ZNF506: variants seen among roughly 807,000 people sequenced by gnomAD.
The protein encoded by ZNF506 is zinc finger protein 506.
ZNF506 carries 10 observed loss-of-function variants against 11.6 expected under a neutral mutation model. That is an observed-to-expected ratio of 0.86 (90% CI 0.53 to 1.46). The LOEUF is 1.46. Among genes scored for constraint, ZNF506 ranks in the 40% most tolerant of loss-of-function variants. The probability of loss-of-function intolerance (pLI) is 0.00; values close to 1 mark genes in which losing one functional copy is unlikely to be tolerated. For missense variants in ZNF506, 425 were observed against 521.2 expected (o/e 0.82, Z 1.80); for synonymous variants, 156 against 173.3 (o/e 0.90, Z 0.78).
In ZNF506 at chr19:19,794,202, C is replaced by T. The variant is rs12975121; in HGVS notation, c.*350G>A. ...GTGGGCACCAGTAATCCCAGCTACT[C>T]GGGAGGCTGAGGCAGGAGAATGGCT... On this transcript the variant is annotated 3_prime_UTR_variant, in exon 4 of 4. Coordinates refer to ENST00000540806, the MANE Select transcript of ZNF506 (RefSeq NM_001099269.3). 0.2 allele frequency: 35,745 copies of T among 179,532 alleles called. 3,702 individuals are homozygous for T. The highest frequency in any genetic ancestry group is 0.28 in the East Asian group (1,734 of 6,184). The allele number at this position is 179,532 out of a possible 1,614,324, so 11.1% of individuals were successfully genotyped here.
chr19:19,821,520 A>C lies in ZNF506; in HGVS notation c.3+81T>G, dbSNP rs946538354. 3 of 1,594,024 alleles carry C rather than the reference A, an allele frequency of 1.9e-6. No individual in the cohort carries two copies. The East Asian group carries it at 6.7e-5, about 36-fold the overall frequency. On this transcript the variant is annotated intron_variant, in intron 1 of 3. Transcript: ENST00000540806. ...ACTGCCGGGAGGCCTGAGTTCTGCC[A>C]CTGCCACAGCCACAGCCACTTCCTC...
chr19:19,816,275 C>A, intron 1 of ZNF506, among the ~76,000 whole-genome samples: 1 of 151,942 alleles, frequency 6.6e-6, no homozygotes. Context: ...CCGCTGCCTC[C>A]CAGGTTCAAG....
rs528405061 is a variant in ZNF506 at position 19,819,711 on chromosome 19, C to T, written c.3+1890G>A. Among the ~76,000 whole-genome samples, 10 of 152,294 alleles carry T rather than the reference C, an allele frequency of 6.6e-5. No individual in the cohort carries two copies. In the East Asian group the frequency reaches 1.5e-3, roughly 23 times the overall value. ...AGAGGCACAGATATTTTTTACAATA[C>T]AGTGTCAGGGGATTATTCTTTGCTT... is the stretch of plus-strand genomic sequence containing the variant. On this transcript the variant is annotated intron_variant, in intron 1 of 3. Coordinates refer to ENST00000540806, the MANE Select transcript of ZNF506 (RefSeq NM_001099269.3).
intron 1 of ZNF506, among the ~76,000 whole-genome samples, chr19:19,808,121 T>TTTTTTTG: frequency 9.6e-6 from 1 of 104,274 alleles, no homozygotes; most frequent in African/African-American, 4.2e-5. Flanking sequence ...TTTTTTTTTT[T>TTTTTTTG]TTTTTTTTTT....
In ZNF506 at chr19:19,795,623, C is replaced by T. The variant is rs2062734460; in HGVS notation, c.264G>A (p.Glu88=). The T allele has an allele frequency of 2.0e-6, 3 of 1,531,936 alleles. No homozygotes were observed. Among genetic ancestry groups the T allele is most frequent in the South Asian group, 2.6e-5 (2 of 75,816 alleles). 94.9% of individuals were successfully genotyped at this position (1,531,936 alleles called of 1,614,324 possible). A position where few individuals can be genotyped will look rare whatever the true frequency, so the allele number is the denominator to read the frequency against. ...YSHFAQDLWS[E]QSIKDSFQKV... ...TTTGGAAAGAATCTTTTATGCTCTGCTCTGACCAAAGGTCTTGGGCAAAAT... is the reference window on the plus strand; with the variant it reads ...TTTGGAAAGAATCTTTTATGCTCTGTTCTGACCAAAGGTCTTGGGCAAAAT... Residue 88 remains glutamate, a synonymous_variant, in exon 4 of 4, where the codon GAG becomes GAA. Transcript: ENST00000540806.
chr19:19,801,172 A>AAAAAG (rs1296488653), intron 3 of ZNF506, among the ~76,000 whole-genome samples: 2 of 152,020 alleles, frequency 1.3e-5, no homozygotes, highest in African/African-American at 4.8e-5. Context: ...AAAAAAATAA[A>AAAAAG]AAAAGAAAAG....
At chr19:19,808,598 C>A (rs1296544183) in intron 1 of ZNF506, among the ~76,000 whole-genome samples, 1 of 143,166 alleles carries the variant, frequency 7.0e-6, no homozygotes, top group Non-Finnish European at 1.5e-5. Context: ...GTAATCCCAG[C>A]ACTTTGGGAG....
chr19:19,808,843 C>CAAAAA lies in ZNF506; in HGVS notation c.4-1780_4-1776dup, dbSNP rs35282430. Among the ~76,000 whole-genome samples, 575 of 82,448 alleles carry CAAAAA rather than the reference C, an allele frequency of 7.0e-3. 15 individuals are homozygous for CAAAAA. The highest frequency in any genetic ancestry group is 0.028 in the East Asian group (90 of 3,264). 54.1% of individuals were successfully genotyped at this position (82,448 alleles called of 152,430 possible). A position where few individuals can be genotyped will look rare whatever the true frequency, so the allele number is the denominator to read the frequency against. ...TTGGTGACACAGCGAGACTCTGTCT[C>CAAAAA]AAAAAAAAAAAAAAAAAAAAGAAAC... is the stretch of plus-strand genomic sequence containing the variant. On this transcript the variant is annotated intron_variant, in intron 1 of 3. Coordinates refer to ENST00000540806, the MANE Select transcript of ZNF506 (RefSeq NM_001099269.3).
chr19:19,821,197 C>T (rs1293529257), intron 1 of ZNF506, among the ~76,000 whole-genome samples: 1 of 152,166 alleles, frequency 6.6e-6, no homozygotes, highest in Non-Finnish European at 1.5e-5. Context: ...CCACGCCCGG[C>T]CCAATAAATT....
At chr19:19,801,069 A>G (rs2062788306) in intron 3 of ZNF506, among the ~76,000 whole-genome samples, 1 of 152,114 alleles carries the variant, frequency 6.6e-6, no homozygotes, top group Non-Finnish European at 1.5e-5. Context: ...GTGAGGCAGG[A>G]GAATCACTTG....
At chr19:19,797,436 GAAAAAAAAA>G (rs77600495) in intron 3 of ZNF506, 2 of 95,636 alleles carry the variant, frequency 2.1e-5, no homozygotes, top group Non-Finnish European at 4.8e-5. Context: ...TCCGTCTCAG[GAAAAAAAAA>G]AAAAAAAAAA....
At chr19:19,804,848 C>T (rs908220388) in intron 3 of ZNF506, among the ~76,000 whole-genome samples, 9 of 152,226 alleles carry the variant, frequency 5.9e-5, no homozygotes, top group African/African-American at 2.2e-4. Flanking sequence ...AAACCAAACA[C>T]CCCATGTTCT....
intron 3 of ZNF506, among the ~76,000 whole-genome samples, chr19:19,803,643 C>T (rs2062812457): frequency 6.6e-6 from 1 of 152,198 alleles, no homozygotes; most frequent in African/African-American, 2.4e-5. Flanking sequence ...TGTGACCAAG[C>T]TACAACCCCT....
chr19:19,819,662 G>A lies in ZNF506; in HGVS notation c.3+1939C>T, dbSNP rs187301469. Among the ~76,000 whole-genome samples the A allele has an allele frequency of 1.2e-4, 19 of 152,298 alleles. No individual in the cohort carries two copies. In the East Asian group the frequency reaches 3.3e-3, roughly 26 times the overall value. On this transcript the variant is annotated intron_variant, in intron 1 of 3. Coordinates refer to ENST00000540806, the MANE Select transcript of ZNF506 (RefSeq NM_001099269.3). ...ATCTTGACCCAAAAACATTCGGTAA[G>A]TTCTCTGGAAAAATAAAAGACAAAG...
chr19:19,796,782 T>C (rs2062746057), intron 3 of ZNF506: 6 of 152,148 alleles, frequency 3.9e-5, no homozygotes, highest in Admixed American at 3.9e-4. Context: ...ACTTTGAGTC[T>C]AAAGGTAAAT....
In ZNF506 at chr19:19,817,534, C is replaced by G. The variant is rs190472862; in HGVS notation, c.3+4067G>C. On this transcript the variant is annotated intron_variant, in intron 1 of 3. Transcript: ENST00000540806. The stretch of plus-strand genomic sequence containing the variant: ...TTTCCTTTCATCTTAACCTCAACTG[C>G]ATCTGCCTGTGGATCCCCAGCTTTC... 5.9e-5 allele frequency among the ~76,000 whole-genome samples: 9 copies of G among 152,098 alleles called. 1 individual carries two copies. The highest frequency in any genetic ancestry group is 5.2e-4 in the Admixed American group (8 of 15,264).
intron 3 of ZNF506, among the ~76,000 whole-genome samples, chr19:19,805,648 C>G (rs1248545362): frequency 6.6e-6 from 1 of 151,212 alleles, no homozygotes; most frequent in Non-Finnish European, 1.5e-5. Context: ...ACATTTAAGA[C>G]CTGATGCAAA....
chr19:19,799,645 A>G (rs1169247664), intron 3 of ZNF506, among the ~76,000 whole-genome samples: 1 of 152,226 alleles, frequency 6.6e-6, no homozygotes, highest in Non-Finnish European at 1.5e-5. Flanking sequence ...GCGGTGGCTC[A>G]TGCCTGTTAC....
chr19:19,801,723 G>A (rs2062794895), intron 3 of ZNF506, among the ~76,000 whole-genome samples: 3 of 151,816 alleles, frequency 2.0e-5, no homozygotes, highest in South Asian at 4.2e-4. Flanking sequence ...CCCAGGAGGC[G>A]GAGGTTGCAG....
Sources: allele counts gnomAD v4.1 joint callset (sites outside exome capture counted in the v4.1 genomes callset), GRCh38; gene constraint gnomAD v4.1.1; transcripts MANE v1.5; gene names NCBI Gene and HGNC (gene_info 2026-07-23, HGNC 2026-07-21).